The following GRB10 variants were observed in gnomAD, a reference collection of about 807,000 sequenced individuals.
GRB10 encodes growth factor receptor bound protein 10, also known as growth factor receptor-bound protein 10.
GRB10 carries 20 observed loss-of-function variants against 80.9 expected under a neutral mutation model. That is an observed-to-expected ratio of 0.25 (90% CI 0.17 to 0.36). The LOEUF (loss-of-function observed/expected upper bound fraction) is 0.36, where lower values mean the gene tolerates loss of function less well. Among genes scored for constraint, GRB10 ranks in the 10% least tolerant of loss-of-function variants. The probability of loss-of-function intolerance (pLI) is 1.00; values close to 1 mark genes in which losing one functional copy is unlikely to be tolerated. For synonymous variants in GRB10, 291 were observed against 291.5 expected, an observed-to-expected ratio of 1.00 and a Z score of 0.02; for missense variants, 548 against 747.7, an observed-to-expected ratio of 0.73 and a Z score of 3.12.
At chr7:50,718,235 G>A (rs185783688) in intron 4 of GRB10, among the ~76,000 whole-genome samples, 4 of 152,284 alleles carry the variant, frequency 2.6e-5, no homozygotes, top group African/African-American at 9.6e-5. Context: ...CAGAGAGAGG[G>A]GAGGCCAGTT....
intron 5 of GRB10, among the ~76,000 whole-genome samples, chr7:50,683,961 C>T (rs951739182): frequency 6.6e-6 from 1 of 152,166 alleles, no homozygotes; most frequent in Non-Finnish European, 1.5e-5. Flanking sequence ...GATTCCTCTT[C>T]CTAGAAAAAT....
chr7:50,661,978 C>G (rs879142573), intron 7 of GRB10, among the ~76,000 whole-genome samples: 2 of 152,332 alleles, frequency 1.3e-5, no homozygotes, highest in Admixed American at 1.3e-4. Context: ...ACAATAGAGA[C>G]CAGACAGATT....
At chr7:50,692,091 A>C (rs1445298118) in intron 5 of GRB10, among the ~76,000 whole-genome samples, 2 of 152,332 alleles carry the variant, frequency 1.3e-5, no homozygotes, top group African/African-American at 4.8e-5. Flanking sequence ...TTATTCTCCA[A>C]ATAATTCAGT....
At chr7:50,641,463 C>CTTTTTTTT (rs1207288424) in intron 7 of GRB10, among the ~76,000 whole-genome samples, 48 of 152,168 alleles carry the variant, frequency 3.2e-4, no homozygotes, top group Non-Finnish European at 5.1e-4. Flanking sequence ...AGCCCTGGCA[C>CTTTTTTTT]TAGTGTAACA....
chr7:50,605,932 GA>G (rs1425920482), intron 14 of GRB10, among the ~76,000 whole-genome samples: 1 of 152,216 alleles, frequency 6.6e-6, no homozygotes, highest in African/African-American at 2.4e-5. Context: ...GAGGAACGAT[GA>G]CAATCTCTAA....
intron 8 of GRB10, among the ~76,000 whole-genome samples, chr7:50,621,538 C>G (rs982390872): frequency 1.3e-5 from 2 of 152,230 alleles, no homozygotes; most frequent in Non-Finnish European, 2.9e-5. Flanking sequence ...CCGGATGCAG[C>G]TGAGTGCCCC....
chr7:50,600,571 G>GA (rs957872533), intron 17 of GRB10, among the ~76,000 whole-genome samples: 1 of 152,156 alleles, frequency 6.6e-6, no homozygotes, highest in Non-Finnish European at 1.5e-5. Flanking sequence ...AGGAAGGAAG[G>GA]AAAGAGGAGC....
At chr7:50,741,972 G>A (rs1291585810) in intron 3 of GRB10, among the ~76,000 whole-genome samples, 2 of 148,806 alleles carry the variant, frequency 1.3e-5, no homozygotes, top group South Asian at 2.1e-4. Flanking sequence ...CACCAGTAAA[G>A]AAATAAATTT....
intron 8 of GRB10, among the ~76,000 whole-genome samples, chr7:50,620,613 G>C (rs368256776): frequency 7.9e-5 from 12 of 152,298 alleles, no homozygotes; most frequent in Non-Finnish European, 1.5e-4. Context: ...TTTTCTCCCC[G>C]TGGCTGCCAG....
intron 7 of GRB10, among the ~76,000 whole-genome samples, chr7:50,655,661 A>G (rs1174546478): frequency 6.6e-6 from 1 of 152,076 alleles, no homozygotes; most frequent in African/African-American, 2.4e-5. Context: ...CATCCTTCAC[A>G]CTGCAGCAGG....
intron 7 of GRB10, among the ~76,000 whole-genome samples, chr7:50,648,428 G>T (rs2057542313): frequency 6.6e-6 from 1 of 152,206 alleles, no homozygotes; most frequent in African/African-American, 2.4e-5. Flanking sequence ...TTAAAAAGGA[G>T]CATTAGGAAA....
At chr7:50,700,343 GT>G (rs1376971897) in intron 5 of GRB10, among the ~76,000 whole-genome samples, 1 of 151,000 alleles carries the variant, frequency 6.6e-6, no homozygotes, top group Non-Finnish European at 1.5e-5. Context: ...CCATTTTTTC[GT>G]TCACAGTTTT....
At chr7:50,724,010 A>C (rs1221565110) in intron 4 of GRB10, among the ~76,000 whole-genome samples, 1 of 152,274 alleles carries the variant, frequency 6.6e-6, no homozygotes, top group Non-Finnish European at 1.5e-5. Flanking sequence ...CCTATAGGGA[A>C]GAGTGGACAA....
chr7:50,654,789 A>G (rs2058450507), intron 7 of GRB10, among the ~76,000 whole-genome samples: 1 of 152,136 alleles, frequency 6.6e-6, no homozygotes, highest in Non-Finnish European at 1.5e-5. Flanking sequence ...GGTTGCAGAC[A>G]TCTCGCCCCT....
chr7:50,672,814 A>G (rs2060502394), intron 6 of GRB10, among the ~76,000 whole-genome samples: 1 of 152,230 alleles, frequency 6.6e-6, no homozygotes, highest in African/African-American at 2.4e-5. Context: ...CTCCCAAGAG[A>G]TGCTCCCAAG....
chr7:50,608,379 G>T (rs2048908634), intron 13 of GRB10, among the ~76,000 whole-genome samples: 1 of 152,100 alleles, frequency 6.6e-6, no homozygotes, highest in African/African-American at 2.4e-5. Context: ...GTTCCTTCAA[G>T]AATGAAAGTG....
At chr7:50,655,502 T>C (rs940337976) in intron 7 of GRB10, among the ~76,000 whole-genome samples, 8 of 152,222 alleles carry the variant, frequency 5.3e-5, no homozygotes, top group African/African-American at 1.9e-4. Context: ...CCATGAAAAC[T>C]ATGAGAAATC....
intron 7 of GRB10, among the ~76,000 whole-genome samples, chr7:50,638,094 C>T (rs948293705): frequency 8.5e-5 from 13 of 152,104 alleles, no homozygotes; most frequent in Admixed American, 6.5e-4. Context: ...TGAAACTGGA[C>T]CCCTGTCTCT....
At chr7:50,705,214 A>AG (rs2064872988) in intron 4 of GRB10, 1 of 985,760 alleles carries the variant, frequency 1.0e-6, no homozygotes, top group Non-Finnish European at 1.2e-6. Flanking sequence ...AGCAGAGGGT[A>AG]GCCCAGGGGA....
Sources: gnomAD v4.1 joint callset for allele counts (sites outside exome capture counted in the v4.1 genomes callset) on GRCh38, gnomAD v4.1.1 for gene constraint, MANE v1.5 for transcripts, NCBI Gene and HGNC (gene_info 2026-07-23, HGNC 2026-07-21) for gene names.